Variants in RETSAT observed in about 807,000 individuals in gnomAD.
RETSAT encodes the protein all-trans-retinol 13,14-reductase.
In RETSAT, 35 loss-of-function variants were observed where a neutral mutation model predicts 61.6. The observed-to-expected ratio is 0.57, with a 90% CI of 0.43 to 0.75. The LOEUF (loss-of-function observed/expected upper bound fraction) is 0.75. Among genes scored for constraint, RETSAT ranks in the 30% least tolerant of loss-of-function variants. The pLI is 0.00. For missense variants in RETSAT, 670 were observed against 759.5 expected, an observed-to-expected ratio of 0.88 and a Z score of 1.38; for synonymous variants, 277 against 310.4, an observed-to-expected ratio of 0.89 and a Z score of 1.13.
At chr2:85,345,729 G>T (rs187834601) in intron 6 of RETSAT, 5 of 626,892 alleles carry the variant, frequency 8.0e-6, no homozygotes, top group South Asian at 4.8e-5. Flanking sequence ...CAGCTACTCT[G>T]CTCAGCCCTG....
chr2:85,349,555 A>G lies in RETSAT; in HGVS notation c.826T>C (p.Ser276Pro). ...TGGTTGACCAGCAGGGCGTGCATGG[A>G]AAAGGCACTGTGGTTGGGGGTGACA... ...YGVTPNHSAFSMHALLVNHYM... is the reference protein window; with the variant it reads ...YGVTPNHSAFPMHALLVNHYM... The change falls in exon 5 of 11, where the codon TCC becomes CCC. Residue 276 changes from serine (S) to proline (P), a missense_variant. Physicochemically the swap from Ser to Pro is moderately conservative, Grantham distance 74. Transcript: ENST00000295802. The G allele has an allele frequency of 6.2e-7, 1 of 1,614,114 alleles. No homozygotes were observed. Among genetic ancestry groups the G allele is most frequent in the Non-Finnish European group, 8.5e-7 (1 of 1,179,996 alleles).
intron 5 of RETSAT, among the ~76,000 whole-genome samples, chr2:85,347,652 G>A (rs1315356336): frequency 6.6e-6 from 1 of 152,254 alleles, no homozygotes; most frequent in Non-Finnish European, 1.5e-5. Context: ...ACAGGCATGA[G>A]CCACTGCGCC....
intron 6 of RETSAT, among the ~76,000 whole-genome samples, chr2:85,345,227 C>T (rs1312830939): frequency 2.0e-5 from 3 of 152,180 alleles, no homozygotes; most frequent in Admixed American, 6.5e-5. Context: ...GAGAGGCTGG[C>T]GCTGGTGAAA....
chr2:85,349,563 C>T lies in RETSAT; in HGVS notation c.818G>A (p.Ser273Asn). Residue 273 changes from serine to asparagine, a missense_variant, in exon 5 of 11, where the codon AGT becomes AAT. Ser to Asn is a conservative substitution (Grantham distance 46). Coordinates refer to ENST00000295802, the MANE Select transcript of RETSAT (RefSeq NM_017750.4). ...CAGCAGGGCGTGCATGGAAAAGGCA[C>T]TGTGGTTGGGGGTGACACCTGCAGA... ...FPTYGVTPNH[S>N]AFSMHALLVN... The T allele has an allele frequency of 6.2e-7, 1 of 1,614,144 alleles. No individual in the cohort carries two copies. The highest frequency in any genetic ancestry group is 8.5e-7 in the Non-Finnish European group (1 of 1,180,014).
intron 5 of RETSAT, among the ~76,000 whole-genome samples, chr2:85,346,314 C>T (rs1362424081): frequency 2.6e-5 from 4 of 152,212 alleles, no homozygotes; most frequent in Non-Finnish European, 5.9e-5. Context: ...CTTTCCCTAG[C>T]TCTGTACCCA....
chr2:85,350,305 C>G lies in RETSAT; in HGVS notation c.598-64G>C, dbSNP rs1683277191. Reference sequence around the variant, plus strand: ...AACCGCTTTGACAGAACTGCTATCCCCATAGCCTGGACCAGCCCAAGAATC... The same window carrying G: ...AACCGCTTTGACAGAACTGCTATCCGCATAGCCTGGACCAGCCCAAGAATC... On this transcript the variant is annotated intron_variant, in intron 3 of 10. Coordinates refer to ENST00000295802, the MANE Select transcript of RETSAT (RefSeq NM_017750.4). 6.3e-6 allele frequency: 8 copies of G among 1,259,914 alleles called. No individual in the cohort carries two copies. The East Asian group carries it at 1.9e-4, about 29-fold the overall frequency. The allele number at this position is 1,259,914 out of a possible 1,614,324, so 78.0% of individuals were successfully genotyped here.
In RETSAT at chr2:85,354,456, A is replaced by G. The variant is rs568685025; in HGVS notation, c.52T>C (p.Cys18Arg). ...LLAVLLLAVLCKVYLGLFSGS... is the reference protein window; with the variant it reads ...LLAVLLLAVLRKVYLGLFSGS... ...GAGAATAGTCCCAAGTAAACTTTGC[A>G]GAGGACGGCCAGCAGCAGCACAGCC... Residue 18 changes from cysteine to arginine, a missense_variant, in exon 1 of 11, where the codon TGC (cysteine) becomes CGC (arginine). Coordinates refer to ENST00000295802, the MANE Select transcript of RETSAT (RefSeq NM_017750.4). 6.2e-7 allele frequency: 1 copy of G among 1,614,112 alleles called. No individual in the cohort carries two copies. Among genetic ancestry groups the G allele is most frequent in the Admixed American group, 1.7e-5 (1 of 60,012 alleles).
rs368614853 is a variant in RETSAT, at chr2:85,350,283, C to G, written c.598-42G>C. ...GGACAGCAGGCCTCACCTCTAGAAC[C>G]GCTTTGACAGAACTGCTATCCCCAT... On this transcript the variant is annotated intron_variant, in intron 3 of 10. Coordinates refer to ENST00000295802, the MANE Select transcript of RETSAT (RefSeq NM_017750.4). 6 of 1,477,270 alleles carry G rather than the reference C, an allele frequency of 4.1e-6. No homozygotes were observed. The African/African-American group carries it at 8.3e-5, about 21-fold the overall frequency. 91.5% of individuals were successfully genotyped at this position (1,477,270 alleles called of 1,614,324 possible). A position where few individuals can be genotyped will look rare whatever the true frequency, so the allele number is the denominator to read the frequency against.
chr2:85,343,320 G>A lies in RETSAT; in HGVS notation c.1755C>T (p.Ser585=), dbSNP rs143780283. 834 of 1,614,210 alleles carry A rather than the reference G, an allele frequency of 5.2e-4. No homozygotes were observed. Among genetic ancestry groups the A allele is most frequent in the Non-Finnish European group, 6.6e-4 (773 of 1,179,984 alleles). Reference sequence around the variant, plus strand: ...AGTACAAGTTCCGCTTCAGGATGGCGCTGCTGCACAGCAGGGCACCTTGCA... The same window carrying A: ...AGTACAAGTTCCGCTTCAGGATGGCACTGCTGCACAGCAGGGCACCTTGCA... ...GALQGALLCS[S]AILKRNLYSD... The change falls in exon 11 of 11, where the codon AGC becomes AGT. Residue 585 remains serine (S), a synonymous_variant. Coordinates refer to ENST00000295802, the MANE Select transcript of RETSAT (RefSeq NM_017750.4).
intron 1 of RETSAT, among the ~76,000 whole-genome samples, chr2:85,352,445 T>C (rs1414568197): frequency 1.3e-5 from 2 of 151,842 alleles, no homozygotes; most frequent in Non-Finnish European, 2.9e-5. Context: ...AGAGATGGGG[T>C]TTCACCATGT....
intron 7 of RETSAT, 60 bp downstream of exon 7, chr2:85,344,534 A>G: frequency 3.1e-6 from 5 of 1,597,720 alleles, no homozygotes; most frequent in Admixed American, 1.7e-5. Flanking sequence ...ACCTCTGCTC[A>G]TTCTCTGAGT....
chr2:85,345,173 G>A (rs1475934147), intron 6 of RETSAT, among the ~76,000 whole-genome samples: 1 of 152,196 alleles, frequency 6.6e-6, no homozygotes, highest in East Asian at 1.9e-4. Context: ...TGAGAGAGGG[G>A]AGGCCGAGCA....
At chr2:85,346,832 C>A (rs900879349) in intron 5 of RETSAT, among the ~76,000 whole-genome samples, 2 of 152,134 alleles carry the variant, frequency 1.3e-5, no homozygotes, top group Non-Finnish European at 2.9e-5. Context: ...GATAAGAGAA[C>A]CTCCAAAATC....
rs745959076 is a variant in RETSAT, at chr2:85,344,163, G to A, written c.1369C>T (p.Arg457Trp). The A allele has an allele frequency of 5.3e-5, 86 of 1,613,944 alleles. No homozygotes were observed. Among genetic ancestry groups the A allele is most frequent in the Middle Eastern group, 1.6e-4 (1 of 6,084 alleles). ...DPTWEDRFPG[R>W]STMIMLIPTA... is the part of the protein sequence containing the mutation. ...GGTATGAGCATGATCATGGTGGACC[G>A]GCCTGGGGATCAGAGCTGATATTAC... The change falls in exon 9 of 11, where the codon CGG becomes TGG. Residue 457 changes from arginine to tryptophan, a missense_variant and splice_region_variant. Physicochemically the swap from Arg to Trp is moderately radical, Grantham distance 101. Coordinates refer to ENST00000295802, the MANE Select transcript of RETSAT (RefSeq NM_017750.4).
chr2:85,345,630 C>T, intron 6 of RETSAT: 1 of 390,680 alleles, frequency 2.6e-6, no homozygotes, highest in Non-Finnish European at 4.9e-6. Flanking sequence ...CTGTGGGCTG[C>T]CTGCTCTCCT....
At position 85,342,341 on chromosome 2, in the gene RETSAT, T is replaced by C. The variant is rs1683103600; in HGVS notation, c.*901A>G. On this transcript the variant is annotated 3_prime_UTR_variant, in exon 11 of 11. Transcript: ENST00000295802. Reference sequence around the variant, plus strand: ...TTCCCTCCCTTACCCCACACCTCCCTGCACTGTCCCCTGCTGTGCCCTTGG... The same window carrying C: ...TTCCCTCCCTTACCCCACACCTCCCCGCACTGTCCCCTGCTGTGCCCTTGG... 1 of 164,856 alleles carries C rather than the reference T, an allele frequency of 6.1e-6. No individual in the cohort carries two copies. The highest frequency in any genetic ancestry group is 1.6e-4 in the South Asian group (1 of 6,430). The allele number at this position is 164,856 out of a possible 1,614,324, so 10.2% of individuals were successfully genotyped here.
At position 85,346,001 on chromosome 2, in the gene RETSAT, A is replaced by T. The variant is rs1383156873; in HGVS notation, c.1091T>A (p.Leu364Gln). The change falls in exon 6 of 11, where the codon CTG becomes CAG. Residue 364 changes from leucine to glutamine, a missense_variant. Transcript: ENST00000295802. ...TGGCAGGCAGCGGGCGTTCCCCGGC[A>T]GTAGGTGTTCATAGGTGTTGAACAG... ...AGLFNTYEHL[L>Q]PGNARCLPGV... 6.2e-7 allele frequency: 1 copy of T among 1,614,196 alleles called. No individual in the cohort carries two copies. Among genetic ancestry groups the T allele is most frequent in the Non-Finnish European group, 8.5e-7 (1 of 1,180,018 alleles).
At position 85,344,164 on chromosome 2, in the gene RETSAT, G is replaced by A; in HGVS notation, c.1368C>T (p.Gly456=). The change falls in exon 9 of 11, where the codon GGC becomes GGT. Residue 456 remains glycine, a splice_region_variant and synonymous_variant. Coordinates refer to ENST00000295802, the MANE Select transcript of RETSAT (RefSeq NM_017750.4). The stretch of plus-strand genomic sequence containing the variant: ...GTATGAGCATGATCATGGTGGACCG[G>A]CCTGGGGATCAGAGCTGATATTACT... ...KDPTWEDRFP[G]RSTMIMLIPT... is the part of the protein sequence containing the mutation. 1 of 1,614,098 alleles carries A rather than the reference G, an allele frequency of 6.2e-7. No homozygotes were observed.
Position 85,343,652 on chromosome 2 carries a change from G to A in RETSAT, c.1680C>T (p.Asn560=), listed in dbSNP as rs1197654624. ...CAGTGAGTATACCTGTCAGATAGAG[G>A]TTGGGGATGGGGCTCTGGGCCCTCA... The part of the protein sequence containing the change: ...ASLRAQSPIP[N]LYLTGQDIFT... Residue 560 remains asparagine (N), a synonymous_variant, in exon 10 of 11, where the codon AAC becomes AAT. Transcript: ENST00000295802. 3 of 1,614,118 alleles carry A rather than the reference G, an allele frequency of 1.9e-6. No homozygotes were observed. The highest frequency in any genetic ancestry group is 2.2e-5 in the East Asian group (1 of 44,894).
Sources: allele counts gnomAD v4.1 joint callset (sites outside exome capture counted in the v4.1 genomes callset), GRCh38; gene constraint gnomAD v4.1.1; transcripts MANE v1.5; gene names NCBI Gene and HGNC (gene_info 2026-07-23, HGNC 2026-07-21).